Variants in IGSF10 observed in about 807,000 individuals in gnomAD.
IGSF10 encodes immunoglobulin superfamily member 10.
In IGSF10, 126 loss-of-function variants were observed where a neutral mutation model predicts 128.2. The observed-to-expected ratio is 0.98, with a 90% confidence interval of 0.85 to 1.14. The LOEUF (loss-of-function observed/expected upper bound fraction) is 1.14, where lower values mean the gene tolerates loss of function less well. IGSF10 is among the 50% of genes most tolerant of loss of function. The probability of loss-of-function intolerance (pLI) is 0.00; values close to 1 mark genes in which losing one functional copy is unlikely to be tolerated. For synonymous variants in IGSF10, 1,185 were observed against 1,146.2 expected (o/e 1.03, Z -0.68); for missense variants, 3,295 against 3,149.8 (o/e 1.05, Z -1.10).
rs2108550995 is a variant in IGSF10 at position 151,446,428 on chromosome 3, T to C, written c.3553A>G (p.Ile1185Val). The C allele has an allele frequency of 1.2e-6, 2 of 1,614,100 alleles. No individual in the cohort carries two copies. ...ATAATAGTCATTGGTGGCTTGGTGA[T>C]AGCACCTGAAAGTGACGATGTAATC... ...SVITSSLSGAITKPPMTIIAI... is the reference protein window; with the variant it reads ...SVITSSLSGAVTKPPMTIIAI... Residue 1185 changes from isoleucine to valine, a missense_variant, in exon 6 of 8, where the codon ATC becomes GTC. By Grantham distance (29) the Ile-to-Val change is conservative. Coordinates refer to ENST00000282466, the MANE Select transcript of IGSF10 (RefSeq NM_178822.5).
chr3:151,574,212 G>A, the IGSF10 span, among the ~76,000 whole-genome samples: 2 of 152,028 alleles, frequency 1.3e-5, no homozygotes, highest in Admixed American at 6.5e-5. Flanking sequence ...TGCTCTTCTC[G>A]AGGAGTATCT....
At chr3:151,606,544 T>C in the IGSF10 span, among the ~76,000 whole-genome samples, 2 of 152,196 alleles carry the variant, frequency 1.3e-5, no homozygotes, top group Admixed American at 1.3e-4. Context: ...AGTGGACACC[T>C]GACCAAAGGG....
rs758133735 is a variant in IGSF10 at position 151,438,305 on chromosome 3, C to T, written c.6256G>A (p.Ala2086Thr). 4 of 1,614,172 alleles carry T rather than the reference C, an allele frequency of 2.5e-6. No homozygotes were observed. The highest frequency in any genetic ancestry group is 3.3e-5 in the Admixed American group (2 of 60,018). ...CTAGTCCTGTGGCCACTGTCATCGG[C>T]TTGCATTGCATTGTTGATCATGGTT... ...DGTMINNAMQ[A>T]DDSGHRTRRY... Residue 2086 changes from alanine to threonine, a missense_variant, in exon 8 of 8, where the codon GCC becomes ACC. By Grantham distance (58) the Ala-to-Thr change is moderately conservative. Transcript: ENST00000282466.
At chr3:151,531,344 A>T in the IGSF10 span, among the ~76,000 whole-genome samples, 1 of 152,220 alleles carries the variant, frequency 6.6e-6, no homozygotes, top group African/African-American at 2.4e-5. Context: ...CCTAATAGAC[A>T]TCTACAGAAC....
Position 151,453,737 on chromosome 3 carries a change from T to C in IGSF10, c.362A>G (p.Gln121Arg). The change falls in exon 5 of 8, where the codon CAG (glutamine) becomes CGG (arginine). Residue 121 changes from glutamine to arginine, a missense_variant. Gln to Arg is a conservative substitution (Grantham distance 43, BLOSUM62 1). Transcript: ENST00000282466. The part of the protein sequence containing the change: ...KMSYNKVRKL[Q>R]KDTFYGLRSL... ...CCTGAGGCCATAAAAAGTATCTTTC[T>C]GAAGTTTTCGGACTTTATTATAGCT... 6.3e-7 allele frequency: 1 copy of C among 1,588,758 alleles called. No homozygotes were observed. Among genetic ancestry groups the C allele is most frequent in the Non-Finnish European group, 8.6e-7 (1 of 1,166,162 alleles).
rs756432466 is a variant in IGSF10 at position 151,448,961 on chromosome 3, T to C, written c.1020A>G (p.Thr340=). The C allele has an allele frequency of 1.2e-6, 2 of 1,614,138 alleles. No homozygotes were observed. The highest frequency in any genetic ancestry group is 2.7e-5 in the African/African-American group (2 of 74,946). ...MVCSIQKPSR[T]SPIAFTEEND... ...TTTCTTCAGTGAATGCAATGGGTGA[T>C]GTCCTTGAGGGCTTTTGAATACTGC... The change falls in exon 6 of 8, where the codon ACA becomes ACG. Residue 340 remains threonine, a synonymous_variant. Transcript: ENST00000282466.
the IGSF10 span, among the ~76,000 whole-genome samples, chr3:151,494,197 C>G: frequency 6.6e-6 from 1 of 152,042 alleles, no homozygotes; most frequent in African/African-American, 2.4e-5. Flanking sequence ...TCCAAATTTT[C>G]AGAAGTATTC....
In IGSF10 at chr3:151,447,472, TTA is replaced by T. The variant is rs1721263937; in HGVS notation, c.2507_2508del (p.Ile836LysfsTer18). 1 of 1,614,154 alleles carries T rather than the reference TTA, an allele frequency of 6.2e-7. No homozygotes were observed. ...ACAGGAGAGAATTCTGTGCCATAAT[TTA>T]TGTTTGTCATAGGACTATCAGATAT... ...RTISDSPMTN[I>X]NYGTEFSPVV... On this transcript the variant is annotated frameshift_variant, in exon 6 of 8. Coordinates refer to ENST00000282466, the MANE Select transcript of IGSF10 (RefSeq NM_178822.5). LOFTEE classifies it high-confidence loss of function.
chr3:151,446,662 G>T lies in IGSF10; in HGVS notation c.3319C>A (p.Gln1107Lys). Reference protein sequence around the residue: ...VPSEESTTLVQNPLLLLENKP... With the variant: ...VPSEESTTLVKNPLLLLENKP... ...TTCTCAAGTAGTAATAGTGGATTCTGGACTAGAGTTGTAGACTCTTCTGAT... is the reference window on the plus strand; with the variant it reads ...TTCTCAAGTAGTAATAGTGGATTCTTGACTAGAGTTGTAGACTCTTCTGAT... The change falls in exon 6 of 8, where the codon CAG becomes AAG. Residue 1107 changes from glutamine to lysine, a missense_variant. Gln to Lys is a moderately conservative substitution (Grantham distance 53). Transcript: ENST00000282466. 1 of 1,613,894 alleles carries T rather than the reference G, an allele frequency of 6.2e-7. No individual in the cohort carries two copies. Among genetic ancestry groups the T allele is most frequent in the Non-Finnish European group, 8.5e-7 (1 of 1,179,848 alleles).
At chr3:151,548,441 C>G in the IGSF10 span, among the ~76,000 whole-genome samples, 14 of 152,176 alleles carry the variant, frequency 9.2e-5, no homozygotes, top group African/African-American at 3.4e-4. Flanking sequence ...ATTCCTACTG[C>G]GCTCTGCCTA....
chr3:151,617,184 C>G, the IGSF10 span, among the ~76,000 whole-genome samples: 1 of 133,084 alleles, frequency 7.5e-6, no homozygotes, highest in African/African-American at 3.2e-5. Context: ...CCTCCTCTGC[C>G]TCCTCCTCCT....
the IGSF10 span, among the ~76,000 whole-genome samples, chr3:151,581,889 G>A: frequency 1.3e-5 from 2 of 152,042 alleles, no homozygotes; most frequent in African/African-American, 2.4e-5. Flanking sequence ...AGGCCAATAT[G>A]GTGAAAGTCT....
At chr3:151,460,834 C>G (rs1560184404) in intron 1 of IGSF10, 112 bp downstream of exon 1, 1 of 789,506 alleles carries the variant, frequency 1.3e-6, no homozygotes, top group Non-Finnish European at 1.5e-6. Flanking sequence ...CTCAGCCCTC[C>G]CCGCCCCAGC....
chr3:151,507,458 T>C, the IGSF10 span, among the ~76,000 whole-genome samples: 1 of 152,204 alleles, frequency 6.6e-6, no homozygotes, highest in Admixed American at 6.5e-5. Context: ...TGAAATATTG[T>C]ATTCGTCCAA....
chr3:151,474,082 G>T, the IGSF10 span, among the ~76,000 whole-genome samples: 2,179 of 152,124 alleles, frequency 0.014, 19 homozygotes, highest in Middle Eastern at 0.031. Context: ...AGACCTCCTA[G>T]AGTTTCAGAT....
At chr3:151,558,887 A>C in the IGSF10 span, among the ~76,000 whole-genome samples, 10 of 152,200 alleles carry the variant, frequency 6.6e-5, no homozygotes, top group South Asian at 1.9e-3. Flanking sequence ...TCCATTTTTC[A>C]TGCACAATCT....
the IGSF10 span, among the ~76,000 whole-genome samples, chr3:151,611,202 G>A: frequency 2.0e-5 from 3 of 152,248 alleles, no homozygotes; most frequent in Middle Eastern, 3.4e-3. Context: ...TATGTTCAAA[G>A]AAACCTTACA....
chr3:151,511,507 A>AT, the IGSF10 span, among the ~76,000 whole-genome samples: 1 of 152,230 alleles, frequency 6.6e-6, no homozygotes, highest in Non-Finnish European at 1.5e-5. Context: ...GCCACTGCAA[A>AT]AACATGCCAA....
the IGSF10 span, among the ~76,000 whole-genome samples, chr3:151,467,606 C>A: frequency 2.6e-5 from 4 of 152,054 alleles, no homozygotes; most frequent in Non-Finnish European, 5.9e-5. Flanking sequence ...ATGGCTGAGC[C>A]GGGCGCGGTG....
Sources: allele counts gnomAD v4.1 joint callset (sites outside exome capture counted in the v4.1 genomes callset), GRCh38; gene constraint gnomAD v4.1.1; transcripts MANE v1.5; gene names NCBI Gene and HGNC (gene_info 2026-07-23, HGNC 2026-07-21).